PSTPIP1: variants seen among roughly 807,000 people sequenced by gnomAD.
PSTPIP1 encodes the protein proline-serine-threonine phosphatase-interacting protein 1.
A neutral mutation model predicts 69.6 loss-of-function variants in PSTPIP1; 66 were observed. The ratio of observed to expected loss-of-function variants is 0.95; its 90% CI spans 0.78 to 1.16. The LOEUF (loss-of-function observed/expected upper bound fraction) is 1.16. Ranked by LOEUF, PSTPIP1 falls within the 50% of genes most tolerant of loss-of-function variation. PSTPIP1 has a pLI of 0.00. For synonymous variants in PSTPIP1, 266 were observed against 222.7 expected, an observed-to-expected ratio of 1.19 and a Z score of -1.73; for missense variants, 603 against 557.4, an observed-to-expected ratio of 1.08 and a Z score of -0.82.
chr15:77,018,408 C>G (rs750598433), intron 2 of PSTPIP1, 49 bp from the exon 3 acceptor site: 33 of 1,551,604 alleles, frequency 2.1e-5, no homozygotes, highest in Admixed American at 1.2e-4. Context: ...GGGCCTCCCC[C>G]AGAGGTGGCA....
chr15:77,015,840 C>G, intron 1 of PSTPIP1: 1 of 444,846 alleles, frequency 2.2e-6, no homozygotes, highest in Non-Finnish European at 4.5e-6. Flanking sequence ...GTCCTTGTGA[C>G]AGTAGCTCAC....
At chr15:77,029,504 C>T (rs780242570) in intron 7 of PSTPIP1, 25 bp from the exon 8 acceptor site, 21 of 1,565,364 alleles carry the variant, frequency 1.3e-5, no homozygotes, top group South Asian at 2.4e-5. Flanking sequence ...AGGGGCTTAG[C>T]GCTGCTTCCC....
intron 1 of PSTPIP1, among the ~76,000 whole-genome samples, chr15:77,017,536 G>A (rs556220122): frequency 2.2e-4 from 34 of 152,276 alleles, no homozygotes; most frequent in Non-Finnish European, 4.4e-5. Flanking sequence ...CGTGAGGGGG[G>A]GTTTCCTGAG....
chr15:77,036,069 A>G, intron 14 of PSTPIP1, 134 bp downstream of exon 14: 2 of 1,251,168 alleles, frequency 1.6e-6, no homozygotes, highest in Non-Finnish European at 2.1e-6. Flanking sequence ...CCTCCTCAGG[A>G]GGGCACGTGT....
chr15:77,007,163 C>A (rs570726391), intron 1 of PSTPIP1, among the ~76,000 whole-genome samples: 2 of 152,162 alleles, frequency 1.3e-5, no homozygotes, highest in African/African-American at 4.8e-5. Flanking sequence ...TATGACATCT[C>A]GGCTTCCTTG....
rs544153950 is a variant in PSTPIP1 at position 77,022,532 on chromosome 15, T to C, written c.213-2752T>C. Among the ~76,000 whole-genome samples, 8 of 152,328 alleles carry C rather than the reference T, an allele frequency of 5.3e-5. No individual in the cohort carries two copies. In the South Asian group the frequency reaches 1.7e-3, roughly 32 times the overall value. On this transcript the variant is annotated intron_variant, in intron 3 of 14. Transcript: ENST00000558012. ...ACAGTAGAGGTGCTCAGGGAGATCT[T>C]GACAGTTTCCCTGCACAGACGGTGG...
intron 12 of PSTPIP1, among the ~76,000 whole-genome samples, chr15:77,034,176 G>A (rs917499721): frequency 3.1e-5 from 4 of 129,236 alleles, no homozygotes; most frequent in Admixed American, 1.6e-4. Context: ...AGTCAGAAGT[G>A]TAGACAGTCT....
chr15:76,997,166 C>T (rs1423860194), intron 1 of PSTPIP1, among the ~76,000 whole-genome samples: 2 of 152,240 alleles, frequency 1.3e-5, no homozygotes, highest in Non-Finnish European at 2.9e-5. Flanking sequence ...TGTGGAGCTT[C>T]CTGAGCGGCA....
At chr15:77,028,031 G>A (rs1277704902) in intron 6 of PSTPIP1, 117 bp downstream of exon 6, 12 of 1,005,194 alleles carry the variant, frequency 1.2e-5, no homozygotes, top group Non-Finnish European at 1.8e-5. Context: ...CTCAGCCTTG[G>A]TCCTCGGACC....
intron 1 of PSTPIP1, chr15:77,015,750 C>T (rs1009607884): frequency 6.4e-5 from 23 of 358,252 alleles, no homozygotes; most frequent in Middle Eastern, 9.9e-4. Flanking sequence ...GAGGAGGGCG[C>T]GGGCTGGGGG....
rs183441330 is a variant in PSTPIP1 at position 77,030,494 on chromosome 15, G to A, written c.563-8G>A. On this transcript the variant is annotated splice_polypyrimidine_tract_variant and splice_region_variant and intron_variant, in intron 8 of 14. Coordinates refer to ENST00000558012, the MANE Select transcript of PSTPIP1 (RefSeq NM_003978.5). ...CAGGGCCCTCCCTGAGGCTGCCTGC[G>A]CTTTCAGAGCGGGTATACAGGCAGA... 3.2e-4 allele frequency: 514 copies of A among 1,611,732 alleles called. 4 individuals are homozygous for A. In the East Asian group the frequency reaches 8.6e-3, roughly 27 times the overall value.
intron 8 of PSTPIP1, among the ~76,000 whole-genome samples, chr15:77,030,160 C>T (rs2076380491): frequency 6.6e-6 from 1 of 152,200 alleles, no homozygotes; most frequent in Admixed American, 6.5e-5. Context: ...GGACTCCACC[C>T]CTCCTCCAGC....
At chr15:77,028,219 T>C in intron 6 of PSTPIP1, 1 of 507,846 alleles carries the variant, frequency 2.0e-6, no homozygotes, top group Non-Finnish European at 3.6e-6. Context: ...TGCGAGACGC[T>C]GGACAGGAAG....
chr15:77,035,925 A>T lies in PSTPIP1; in HGVS notation c.1109A>T (p.Tyr370Phe). 6.2e-7 allele frequency: 1 copy of T among 1,604,182 alleles called. No homozygotes were observed. Among genetic ancestry groups the T allele is most frequent in the Non-Finnish European group, 8.5e-7 (1 of 1,177,170 alleles). Residue 370 changes from tyrosine to phenylalanine, a missense_variant, in exon 14 of 15, where the codon TAT (tyrosine) becomes TTT (phenylalanine). Coordinates refer to ENST00000558012, the MANE Select transcript of PSTPIP1 (RefSeq NM_003978.5). The stretch of plus-strand genomic sequence containing the variant: ...CAGGAGTACCGGGCGCTCTACGATT[A>T]TACAGCGCAGGTGAGGCCTCTATAC... ...PAQEYRALYD[Y>F]TAQNPDELDL...
intron 8 of PSTPIP1, 26 bp downstream of exon 8, chr15:77,029,600 G>T: frequency 6.4e-7 from 1 of 1,559,598 alleles, no homozygotes; most frequent in South Asian, 1.2e-5. Flanking sequence ...TGCCCCGTCC[G>T]ACCAGGGCGG....
At chr15:77,004,529 C>A (rs538089306) in intron 1 of PSTPIP1, among the ~76,000 whole-genome samples, 36 of 152,082 alleles carry the variant, frequency 2.4e-4, no homozygotes, top group Middle Eastern at 6.8e-3. Context: ...AGAGAGTGAC[C>A]AAGGTGGAGA....
In PSTPIP1 at chr15:77,028,565, A is replaced by G. The variant is rs1141040; in HGVS notation, c.429A>G (p.Thr143=). ...LYKKAMESKK[T]YEQKCRDADD... is the part of the protein sequence containing the mutation. ...CTCCACACCCCCAGTCCAAGAAGAC[A>G]TACGAGCAGAAGTGCCGGGACGCGG... Residue 143 remains threonine, a synonymous_variant, in exon 7 of 15, where the codon ACA becomes ACG. Coordinates refer to ENST00000558012, the MANE Select transcript of PSTPIP1 (RefSeq NM_003978.5). 2.5e-6 allele frequency: 4 copies of G among 1,601,694 alleles called. No homozygotes were observed. The highest frequency in any genetic ancestry group is 1.7e-4 in the Middle Eastern group (1 of 6,048).
At chr15:77,030,715 C>A in intron 9 of PSTPIP1, 134 bp downstream of exon 9, 1 of 923,532 alleles carries the variant, frequency 1.1e-6, no homozygotes, top group South Asian at 1.9e-5. Context: ...TATTCAGCCT[C>A]CTGCTCACAG....
intron 8 of PSTPIP1, 100 bp downstream of exon 8, chr15:77,029,674 T>C: frequency 7.5e-7 from 1 of 1,328,820 alleles, no homozygotes; most frequent in East Asian, 2.5e-5. Context: ...TCCCCCTGGC[T>C]GCACAATCAT....
Sources: allele counts gnomAD v4.1 joint callset (sites outside exome capture counted in the v4.1 genomes callset), GRCh38; gene constraint gnomAD v4.1.1; transcripts MANE v1.5; gene names NCBI Gene and HGNC (gene_info 2026-07-23, HGNC 2026-07-21).